PSD3: variants seen among roughly 807,000 people sequenced by gnomAD.
PSD3 encodes PH and SEC7 domain-containing protein 3.
Under a neutral mutation model 105.5 loss-of-function variants are expected in PSD3, and 49 were observed. The ratio of observed to expected loss-of-function variants is 0.46; its 90% CI spans 0.37 to 0.59. The LOEUF is 0.59. PSD3 is among the 20% of genes least tolerant of loss of function. The pLI is 0.00. For missense variants in PSD3, 1,561 were observed against 1,263.8 expected (o/e 1.24, Z -3.57); for synonymous variants, 557 against 457.8 (o/e 1.22, Z -2.77).
At chr8:18,945,518 T>A (rs1251096055) in intron 1 of PSD3, among the ~76,000 whole-genome samples, 2 of 152,216 alleles carry the variant, frequency 1.3e-5, no homozygotes, top group African/African-American at 4.8e-5. Context: ...CTTTCCGACT[T>A]CTAGTCTCCA....
chr8:18,884,861 C>G (rs1051082417), intron 2 of PSD3, among the ~76,000 whole-genome samples: 2 of 152,192 alleles, frequency 1.3e-5, no homozygotes, highest in African/African-American at 2.4e-5. Context: ...TCAGAGGCAG[C>G]TCTGTGAGCT....
intron 2 of PSD3, among the ~76,000 whole-genome samples, chr8:18,888,286 C>A (rs191784112): frequency 6.6e-6 from 1 of 152,166 alleles, no homozygotes; most frequent in Non-Finnish European, 1.5e-5. Context: ...TGCCGACTAC[C>A]GGCATGACCT....
At chr8:19,010,047 T>C (rs1159102018) in intron 1 of PSD3, among the ~76,000 whole-genome samples, 1 of 152,204 alleles carries the variant, frequency 6.6e-6, no homozygotes, top group Non-Finnish European at 1.5e-5. Flanking sequence ...CCAATAATAA[T>C]CTTTTAAAAA....
chr8:18,600,426 C>G lies in PSD3; in HGVS notation c.2419G>C (p.Gly807Arg). The stretch of plus-strand genomic sequence containing the variant: ...TAAAAGGTTTTCCATCCTCGTTTTC[C>G]TCTTGGAGCTAGAAAGGGGGAAAAA... ...ADMDGKKTPR[G>R]KRGWKTFYAV... Residue 807 changes from glycine (G) to arginine (R), a missense_variant, in exon 12 of 16, where the codon GGA becomes CGA. Coordinates refer to ENST00000327040, the MANE Select transcript of PSD3 (RefSeq NM_015310.4). 1.2e-6 allele frequency: 2 copies of G among 1,602,400 alleles called. No homozygotes were observed. The highest frequency in any genetic ancestry group is 1.7e-6 in the Non-Finnish European group (2 of 1,176,514).
At chr8:18,875,486 C>A (rs1202694986) in intron 2 of PSD3, among the ~76,000 whole-genome samples, 2 of 151,060 alleles carry the variant, frequency 1.3e-5, no homozygotes, top group African/African-American at 2.5e-5. Context: ...AAGATTCAGG[C>A]ATTTTTAGTA....
At chr8:18,835,283 C>G (rs917013875) in intron 4 of PSD3, among the ~76,000 whole-genome samples, 1 of 152,098 alleles carries the variant, frequency 6.6e-6, no homozygotes, top group Non-Finnish European at 1.5e-5. Flanking sequence ...AATAAGACCA[C>G]AAAAGAAACA....
intron 4 of PSD3, among the ~76,000 whole-genome samples, chr8:18,812,554 G>A (rs2129448475): frequency 6.6e-6 from 1 of 152,266 alleles, no homozygotes; most frequent in African/African-American, 2.4e-5. Context: ...AGGTCCCGGA[G>A]GACCTGCCAA....
intron 9 of PSD3, among the ~76,000 whole-genome samples, chr8:18,746,955 C>G (rs1437737967): frequency 6.6e-6 from 1 of 152,226 alleles, no homozygotes; most frequent in African/African-American, 2.4e-5. Flanking sequence ...TGGATATTTT[C>G]TCAGCATGTT....
chr8:19,013,890 C>T (rs1306436268), upstream of PSD3, among the ~76,000 whole-genome samples: 1 of 135,906 alleles, frequency 7.4e-6, no homozygotes. Flanking sequence ...GGGGAGGTGG[C>T]TGGGCCTCCG....
chr8:18,954,416 A>T (rs1337322846), intron 1 of PSD3, among the ~76,000 whole-genome samples: 1 of 152,176 alleles, frequency 6.6e-6, no homozygotes, highest in Non-Finnish European at 1.5e-5. Flanking sequence ...AAAGTATATC[A>T]GTTGAGGTAC....
chr8:18,864,797 G>A (rs1816703438), intron 4 of PSD3: 1 of 151,958 alleles, frequency 6.6e-6, no homozygotes, highest in Non-Finnish European at 1.5e-5. Flanking sequence ...CTTGGCTGAA[G>A]GACAGGCTTA....
At chr8:18,988,886 G>C (rs1408390284) in intron 1 of PSD3, among the ~76,000 whole-genome samples, 4 of 152,166 alleles carry the variant, frequency 2.6e-5, no homozygotes, top group African/African-American at 9.7e-5. Context: ...GCGTGTGTTT[G>C]TCCGGGAATG....
intron 1 of PSD3, among the ~76,000 whole-genome samples, chr8:18,960,256 CAG>C (rs1437477410): frequency 1.3e-5 from 2 of 152,184 alleles, no homozygotes; most frequent in African/African-American, 4.8e-5. Context: ...TGTCAGAATG[CAG>C]AGTGTGGTCT....
chr8:18,922,872 G>A (rs1821121621), intron 2 of PSD3, among the ~76,000 whole-genome samples: 1 of 152,116 alleles, frequency 6.6e-6, no homozygotes, highest in Non-Finnish European at 1.5e-5. Context: ...TGTGGGAGGG[G>A]GCAGAGAGTT....
At chr8:19,045,594 T>C (rs1828290943) in intron 1 of PSD3, among the ~76,000 whole-genome samples, 1 of 152,222 alleles carries the variant, frequency 6.6e-6, no homozygotes. Context: ...GGAAATTCTT[T>C]GCTCTGGCAA....
At position 18,932,184 on chromosome 8, in the gene PSD3, G is replaced by T. The variant is rs935066057; in HGVS notation, c.130+3850C>A. 1.3e-5 allele frequency among the ~76,000 whole-genome samples: 2 copies of T among 152,184 alleles called. 1 individual carries two copies. Among genetic ancestry groups the T allele is most frequent in the South Asian group, 4.1e-4 (2 of 4,828 alleles). On this transcript the variant is annotated intron_variant, in intron 2 of 15. Coordinates refer to ENST00000327040, the MANE Select transcript of PSD3 (RefSeq NM_015310.4). ...ATTTCCAGTACAACTCTATGAAGAA[G>T]TTACTACCATTTTCCCTATTTTACA...
chr8:18,617,009 A>G (rs1454776195), intron 11 of PSD3, among the ~76,000 whole-genome samples: 3 of 152,078 alleles, frequency 2.0e-5, no homozygotes, highest in Non-Finnish European at 2.9e-5. Flanking sequence ...TCTCTACTCC[A>G]TTGAGGGTCG....
At chr8:18,725,271 T>G (rs1398952157) in intron 9 of PSD3, among the ~76,000 whole-genome samples, 1 of 152,162 alleles carries the variant, frequency 6.6e-6, no homozygotes, top group East Asian at 1.9e-4. Context: ...CTTTCTCTTT[T>G]CCTGCAGTCA....
chr8:18,864,441 T>C (rs1586261106), intron 4 of PSD3, among the ~76,000 whole-genome samples: 1 of 152,256 alleles, frequency 6.6e-6, no homozygotes, highest in Admixed American at 6.5e-5. Context: ...CACACAATTA[T>C]GTTCAGAGAC....
Sources: gnomAD v4.1 joint callset for allele counts (sites outside exome capture counted in the v4.1 genomes callset) on GRCh38, gnomAD v4.1.1 for gene constraint, MANE v1.5 for transcripts, NCBI Gene and HGNC (gene_info 2026-07-23, HGNC 2026-07-21) for gene names.